RNF40: variants seen among roughly 807,000 people sequenced by gnomAD.
RNF40 encodes the protein ring finger protein 40.
Under a neutral mutation model 123.3 loss-of-function variants are expected in RNF40, and 39 were observed. That is an observed-to-expected ratio of 0.32 (90% CI 0.24 to 0.41). The LOEUF is 0.41. Among genes scored for constraint, RNF40 ranks in the 10% least tolerant of loss-of-function variants. RNF40 has a pLI of 1.00. For missense variants in RNF40, 1,003 were observed against 1,319.9 expected, an observed-to-expected ratio of 0.76 and a Z score of 3.72; for synonymous variants, 538 against 526.0, an observed-to-expected ratio of 1.02 and a Z score of -0.31.
At chr16:30,767,028 TC>T in intron 11 of RNF40, 152 bp downstream of exon 11, 2 of 1,057,442 alleles carry the variant, frequency 1.9e-6, no homozygotes, top group African/African-American at 1.6e-5. Context: ...ACTGCTTGGC[TC>T]CCAGGCACAG....
intron 6 of RNF40, 48 bp downstream of exon 6, chr16:30,765,107 T>C (rs755826714): frequency 2.2e-5 from 36 of 1,610,734 alleles, no homozygotes; most frequent in Non-Finnish European, 3.0e-5. Context: ...AGGCAGGATT[T>C]GGGTTAGATG....
rs754020336 is a variant in RNF40, at chr16:30,768,210, C to T, written c.1659C>T (p.Gly553=). 4.3e-6 allele frequency: 7 copies of T among 1,613,456 alleles called. No individual in the cohort carries two copies. The African/African-American group carries it at 8.0e-5, about 18-fold the overall frequency. Residue 553 remains glycine (G), a synonymous_variant, in exon 13 of 20, where the codon GGC becomes GGT. Coordinates refer to ENST00000324685, the MANE Select transcript of RNF40 (RefSeq NM_014771.4). The surrounding 1 kb of genome is among the most constrained non-coding windows in gnomAD (Gnocchi z 4.1). The part of the protein sequence containing the change: ...PAPGKEEGGP[G]PVSTPDNRKE... ...CAGGGAAAGAGGAGGGTGGGCCAGG[C>T]CCTGTCAGTACCCCCGACAACAGAA...
intron 17 of RNF40, among the ~76,000 whole-genome samples, chr16:30,771,618 A>G (rs1299493453): frequency 1.3e-5 from 2 of 150,336 alleles, no homozygotes; most frequent in Non-Finnish European, 3.0e-5. Flanking sequence ...CTCCGTCTCA[A>G]AAAAACAAAA....
In RNF40 at chr16:30,769,595, C is replaced by A; in HGVS notation, c.2581C>A (p.Arg861=). 6.3e-7 allele frequency: 1 copy of A among 1,577,458 alleles called. No individual in the cohort carries two copies. Among genetic ancestry groups the A allele is most frequent in the Non-Finnish European group, 8.6e-7 (1 of 1,161,590 alleles). The change falls in exon 17 of 20, where the codon CGG becomes AGG. Residue 861 remains arginine, a synonymous_variant. Transcript: ENST00000324685. The part of the protein sequence containing the change: ...LRSQALELNK[R]KAVEAAQLAE... ...CAGCCAAGCCCTGGAGCTCAACAAG[C>A]GGAAGGTGAGGCTGGGCCAGGGGGA...
At chr16:30,762,074 C>G, upstream of RNF40, 1 of 427,092 alleles carries the variant, frequency 2.3e-6, no homozygotes, top group East Asian at 4.3e-5. Flanking sequence ...AGGGCCGGTG[C>G]TGTCCTCCAG....
In RNF40 at chr16:30,774,588, C is replaced by T. The variant is rs1056160217; in HGVS notation, c.*474C>T. 4 of 222,544 alleles carry T rather than the reference C, an allele frequency of 1.8e-5. No homozygotes were observed. Among genetic ancestry groups the T allele is most frequent in the Non-Finnish European group, 3.7e-5 (4 of 109,530 alleles). The allele number at this position is 222,544 out of a possible 1,614,324, so 13.8% of individuals were successfully genotyped here. ...AGGCCCCAGGAAGACTTTCCTTCAC[C>T]CACCATCCCCCTAACCTCGGCAGGG... On this transcript the variant is annotated 3_prime_UTR_variant, in exon 20 of 20. Coordinates refer to ENST00000324685, the MANE Select transcript of RNF40 (RefSeq NM_014771.4).
chr16:30,763,664 T>C, intron 4 of RNF40, 105 bp downstream of exon 4: 2 of 1,191,704 alleles, frequency 1.7e-6, no homozygotes, highest in Non-Finnish European at 2.4e-6. Flanking sequence ...TTACTACTTC[T>C]CACGAAATGG....
At chr16:30,767,661 C>T (rs900780351) in intron 11 of RNF40, 6 of 457,988 alleles carry the variant, frequency 1.3e-5, no homozygotes, top group Non-Finnish European at 2.3e-5. Flanking sequence ...AAACAAAAAA[C>T]CCCACATATT....
In RNF40 at chr16:30,763,129, C is replaced by T. The variant is rs770248447; in HGVS notation, c.144C>T (p.Asp48=). 1 of 1,613,812 alleles carries T rather than the reference C, an allele frequency of 6.2e-7. No individual in the cohort carries two copies. The highest frequency in any genetic ancestry group is 8.5e-7 in the Non-Finnish European group (1 of 1,180,034). ...LGGISSTEEM[D]LKVLQFKNKK... is the part of the protein sequence containing the mutation. ...GTTTCCTTTGGTAGGAGGAGATGGA[C>T]CTGAAGGTACTACAGTTCAAGAACA... The change falls in exon 3 of 20, where the codon GAC becomes GAT. Residue 48 remains aspartate (D), a synonymous_variant. Coordinates refer to ENST00000324685, the MANE Select transcript of RNF40 (RefSeq NM_014771.4).
Position 30,772,034 on chromosome 16 carries a change from G to A in RNF40, c.2728-55G>A, listed in dbSNP as rs1031404866. 26 of 1,584,462 alleles carry A rather than the reference G, an allele frequency of 1.6e-5. No homozygotes were observed. The African/African-American group carries it at 3.1e-4, about 19-fold the overall frequency. ...CCACGGTCACGGACCTATCCTGGGG[G>A]CAAGCGGCTCAAGGTTGAGGACCCT... On this transcript the variant is annotated intron_variant, in intron 18 of 19. Transcript: ENST00000324685.
intron 19 of RNF40, among the ~76,000 whole-genome samples, chr16:30,772,464 C>T (rs969644785): frequency 5.9e-5 from 9 of 152,306 alleles, no homozygotes; most frequent in African/African-American, 1.9e-4. Flanking sequence ...GTAATTCTCT[C>T]ATCCCAGATG....
chr16:30,771,704 C>T lies in RNF40; in HGVS notation c.2587-129C>T, dbSNP rs549535960. 1.9e-4 allele frequency: 194 copies of T among 1,022,544 alleles called. 1 individual carries two copies. In the African/African-American group the frequency reaches 2.8e-3, roughly 15 times the overall value. 63.3% of individuals were successfully genotyped at this position (1,022,544 alleles called of 1,614,324 possible). A position where few individuals can be genotyped will look rare whatever the true frequency, so the allele number is the denominator to read the frequency against. On this transcript the variant is annotated intron_variant, in intron 17 of 19. Transcript: ENST00000324685. The stretch of plus-strand genomic sequence containing the variant: ...GAACAGGAGGGGAGGGCTTAGGGCT[C>T]AGGAGGCAGGAGCAGCTCCAGGGCA...
intron 4 of RNF40, 106 bp downstream of exon 4, chr16:30,763,665 C>T: frequency 1.7e-6 from 2 of 1,183,362 alleles, no homozygotes; most frequent in Non-Finnish European, 2.4e-6. Context: ...TACTACTTCT[C>T]ACGAAATGGA....
In RNF40 at chr16:30,762,559, G is replaced by C; in HGVS notation, c.14G>C (p.Gly5Ala). 1 of 1,599,638 alleles carries C rather than the reference G, an allele frequency of 6.3e-7. No individual in the cohort carries two copies. The highest frequency in any genetic ancestry group is 1.1e-5 in the South Asian group (1 of 90,254). The change falls in exon 2 of 20, where the codon GGC becomes GCC. Residue 5 changes from glycine (G) to alanine (A), a missense_variant. By Grantham distance (60) the Gly-to-Ala change is moderately conservative. This residue lies in a region of RNF40 where 51 missense variants were observed against 56.2 expected (regional missense o/e 0.91). Coordinates refer to ENST00000324685, the MANE Select transcript of RNF40 (RefSeq NM_014771.4). ...GCCGCCGCGGCCATGTCTGGGCCAG[G>C]CAACAAACGCGCCGCCGGCGACGGG... MSGP[G>A]NKRAAGDGGS... is the part of the protein sequence containing the mutation.
intron 18 of RNF40, 57 bp downstream of exon 18, chr16:30,772,030 G>A (rs998980298): frequency 1.3e-6 from 2 of 1,584,654 alleles, no homozygotes. Context: ...GACCTATCCT[G>A]GGGGCAAGCG....
In RNF40 at chr16:30,768,720, G is replaced by T. The variant is rs199511804; in HGVS notation, c.2081G>T (p.Arg694Leu). 23 of 1,613,868 alleles carry T rather than the reference G, an allele frequency of 1.4e-5. No individual in the cohort carries two copies. Among genetic ancestry groups the T allele is most frequent in the Non-Finnish European group, 1.9e-5 (23 of 1,180,040 alleles). ...AAGGTGCAGCTCATGGCAGCGGAAC[G>T]CAAGGCTAAGGCCGAGGTGAGGGCA... The part of the protein sequence containing the change: ...RDKVQLMAAE[R>L]KAKAEVDELR... The change falls in exon 14 of 20, where the codon CGC becomes CTC. Residue 694 changes from arginine (R) to leucine (L), a missense_variant. This residue lies in a region of RNF40 where 295 missense variants were observed against 331.7 expected (regional missense o/e 0.89). Coordinates refer to ENST00000324685, the MANE Select transcript of RNF40 (RefSeq NM_014771.4). This position sits in a 1 kb window ranked among gnomAD's most constrained non-coding sequence, Gnocchi z 4.1.
chr16:30,771,490 G>A lies in RNF40; in HGVS notation c.2587-343G>A, dbSNP rs188789111. On this transcript the variant is annotated intron_variant, in intron 17 of 19. Transcript: ENST00000324685. The stretch of plus-strand genomic sequence containing the variant: ...AAATTAGCTGGGTGTGGTGGTGGGC[G>A]CCTATAGTCCCAGCTACTCGGGAGG... Among the ~76,000 whole-genome samples, 364 of 152,198 alleles carry A rather than the reference G, an allele frequency of 2.4e-3. 2 individuals are homozygous for A. Among genetic ancestry groups the A allele is most frequent in the African/African-American group, 8.3e-3 (343 of 41,532 alleles).
upstream of RNF40, chr16:30,762,280 G>C (rs566232051): frequency 6.5e-5 from 30 of 463,106 alleles, no homozygotes; most frequent in Non-Finnish European, 8.7e-5. Flanking sequence ...GCACCGTTGG[G>C]GGGGGGGCAG....
chr16:30,774,703 C>T lies in RNF40; in HGVS notation c.*589C>T, dbSNP rs895138668. 1 of 325,178 alleles carries T rather than the reference C, an allele frequency of 3.1e-6. No individual in the cohort carries two copies. Among genetic ancestry groups the T allele is most frequent in the Non-Finnish European group, 6.0e-6 (1 of 166,468 alleles). The allele number at this position is 325,178 out of a possible 1,614,324, so 20.1% of individuals were successfully genotyped here. A position where few individuals can be genotyped will look rare whatever the true frequency, so the allele number is the denominator to read the frequency against. On this transcript the variant is annotated 3_prime_UTR_variant, in exon 20 of 20. Transcript: ENST00000324685. Reference sequence around the variant, plus strand: ...ACCCTCTTGGCAGATGGGGGCATCACTTGCTTCCTTTGGGAAGCTCTAAGG... The same window carrying T: ...ACCCTCTTGGCAGATGGGGGCATCATTTGCTTCCTTTGGGAAGCTCTAAGG...
Sources: gnomAD v4.1 joint callset for allele counts (sites outside exome capture counted in the v4.1 genomes callset) on GRCh38, gnomAD v4.1.1 for gene constraint, gnomAD v4.1.1 regional missense constraint, Gnocchi (gnomAD v3.1) non-coding constraint, MANE v1.5 for transcripts, NCBI Gene and HGNC (gene_info 2026-07-23, HGNC 2026-07-21) for gene names.